Variants in RBPMS observed in about 807,000 individuals in gnomAD.
RBPMS encodes RNA binding protein, mRNA processing factor.
A neutral mutation model predicts 26.8 loss-of-function variants in RBPMS; 7 were observed. The ratio of observed to expected loss-of-function variants is 0.26; its 90% CI spans 0.15 to 0.49. The LOEUF (loss-of-function observed/expected upper bound fraction) is 0.49. RBPMS is among the 20% of genes least tolerant of loss of function. RBPMS has a pLI of 0.98. For missense variants in RBPMS, 186 were observed against 250.0 expected (o/e 0.74, Z 1.73); for synonymous variants, 96 against 93.3 (o/e 1.03, Z -0.17).
rs117634660 is a variant in RBPMS at position 30,516,237 on chromosome 8, G to A, written c.397+11801G>A. Among the ~76,000 whole-genome samples the A allele has an allele frequency of 4.6e-5, 7 of 152,196 alleles. No individual in the cohort carries two copies. The East Asian group carries it at 9.7e-4, about 21-fold the overall frequency. On this transcript the variant is annotated intron_variant, in intron 5 of 8. Coordinates refer to ENST00000397323, the MANE Select transcript of RBPMS (RefSeq NM_001008710.3). ...ATTACTAAGAATACAAAAATTAGCC[G>A]GCTGTGGTGGAGGGTGGGGCACCTG... is the stretch of plus-strand genomic sequence containing the variant.
chr8:30,549,519 T>C, intron 6 of RBPMS: 1 of 1,614,094 alleles, frequency 6.2e-7, no homozygotes, highest in Non-Finnish European at 8.5e-7. Flanking sequence ...GGTCAGACTG[T>C]GAGGAGAAGC....
intron 3 of RBPMS, 31 bp from the exon 4 acceptor site, chr8:30,479,284 T>C: frequency 2.5e-6 from 4 of 1,571,008 alleles, no homozygotes; most frequent in Non-Finnish European, 3.5e-6. Context: ...ATCTGATTTT[T>C]TTTCTTCATA....
chr8:30,384,820 G>T lies in RBPMS; in HGVS notation c.-273G>T. 3.5e-6 allele frequency: 1 copy of T among 288,910 alleles called. No homozygotes were observed. The highest frequency in any genetic ancestry group is 6.4e-6 in the Non-Finnish European group (1 of 157,478). The allele number at this position is 288,910 out of a possible 1,614,324, so 17.9% of individuals were successfully genotyped here. A position where few individuals can be genotyped will look rare whatever the true frequency, so the allele number is the denominator to read the frequency against. On this transcript the variant is annotated 5_prime_UTR_variant, in exon 1 of 9. Transcript: ENST00000397323. This position sits in a 1 kb window ranked among gnomAD's most constrained non-coding sequence, Gnocchi z 5.6. ...TCTCCAGGTCGCCCTCCCGGGGCCC[G>T]ATTGTCTCGGTGCCCCGCTCCCGGC...
chr8:30,527,700 A>C (rs1823739601), intron 5 of RBPMS, among the ~76,000 whole-genome samples: 6 of 152,070 alleles, frequency 3.9e-5, no homozygotes, highest in Admixed American at 3.9e-4. Context: ...GAAAACTTGG[A>C]GGGGATCCAG....
At chr8:30,544,990 G>A (rs1825753861) in intron 6 of RBPMS, 1 of 1,452,570 alleles carries the variant, frequency 6.9e-7, no homozygotes, top group African/African-American at 1.4e-5. Context: ...AGGAAGGTGT[G>A]TGCTAGGAGA....
intron 1 of RBPMS, among the ~76,000 whole-genome samples, chr8:30,441,655 A>G (rs2150708312): frequency 6.6e-6 from 1 of 152,076 alleles, no homozygotes; most frequent in South Asian, 2.1e-4. Flanking sequence ...TCTGTTACAG[A>G]CGCTGGGTAG....
At chr8:30,517,666 T>A (rs748046618) in intron 5 of RBPMS, among the ~76,000 whole-genome samples, 6 of 152,060 alleles carry the variant, frequency 3.9e-5, no homozygotes, top group Non-Finnish European at 7.4e-5. Context: ...GCTCTTGGAG[T>A]GTTTACACAT....
chr8:30,409,921 G>A (rs527253052), intron 1 of RBPMS, among the ~76,000 whole-genome samples: 19 of 152,132 alleles, frequency 1.2e-4, no homozygotes, highest in East Asian at 3.9e-4. Flanking sequence ...GTGAGCCACC[G>A]CACCCAGCCT....
intron 1 of RBPMS, among the ~76,000 whole-genome samples, chr8:30,439,631 C>G (rs985986536): frequency 6.6e-5 from 10 of 151,858 alleles, no homozygotes; most frequent in Non-Finnish European, 1.5e-4. Context: ...GCTAATTGCC[C>G]GTTTTTTGAC....
At chr8:30,536,378 C>T (rs911880183) in intron 5 of RBPMS, among the ~76,000 whole-genome samples, 5 of 152,182 alleles carry the variant, frequency 3.3e-5, no homozygotes, top group Admixed American at 6.5e-5. Context: ...CCGCCCGCCT[C>T]GGCCTCCCAA....
At chr8:30,482,860 A>G (rs555853006) in intron 4 of RBPMS, among the ~76,000 whole-genome samples, 1 of 152,298 alleles carries the variant, frequency 6.6e-6, no homozygotes, top group South Asian at 2.1e-4. Context: ...GGCACTGAAA[A>G]TCTTAAGTAT....
chr8:30,557,725 A>G (rs1259789934), intron 6 of RBPMS, among the ~76,000 whole-genome samples: 1 of 152,206 alleles, frequency 6.6e-6, no homozygotes, highest in Non-Finnish European at 1.5e-5. Context: ...TGGGCTGCTC[A>G]TGGTGGTCAT....
At chr8:30,549,395 G>A in intron 6 of RBPMS, 1 of 925,838 alleles carries the variant, frequency 1.1e-6, no homozygotes, top group Middle Eastern at 2.1e-4. Flanking sequence ...TTGAAGGACT[G>A]CAGAGCTTGC....
At chr8:30,533,319 T>G (rs926636161) in intron 5 of RBPMS, among the ~76,000 whole-genome samples, 1 of 152,218 alleles carries the variant, frequency 6.6e-6, no homozygotes, top group East Asian at 1.9e-4. Flanking sequence ...AAAGCAACTC[T>G]CAGGCAACAG....
intron 1 of RBPMS, among the ~76,000 whole-genome samples, chr8:30,425,242 T>A (rs890184250): frequency 5.9e-5 from 9 of 152,038 alleles, no homozygotes; most frequent in Non-Finnish European, 1.2e-4. Context: ...ATTATAGGCA[T>A]TTATTCCATT....
chr8:30,546,579 G>A (rs968275475), intron 6 of RBPMS, among the ~76,000 whole-genome samples: 2 of 152,196 alleles, frequency 1.3e-5, no homozygotes, highest in Non-Finnish European at 2.9e-5. Context: ...GCCCATGGTG[G>A]CACCCTCCCC....
chr8:30,461,943 C>T (rs1436089523), intron 1 of RBPMS, among the ~76,000 whole-genome samples: 1 of 152,110 alleles, frequency 6.6e-6, no homozygotes, highest in Non-Finnish European at 1.5e-5. Context: ...GGGATTATGC[C>T]TTATGTAATC....
In RBPMS at chr8:30,428,744, A is replaced by T. The variant is rs1811626917; in HGVS notation, c.66+43586A>T. 2.0e-5 allele frequency among the ~76,000 whole-genome samples: 3 copies of T among 152,000 alleles called. No homozygotes were observed. In the South Asian group the frequency reaches 6.2e-4, roughly 32 times the overall value. ...AACTGGCATCTGTGTGAGGACCTTA[A>T]GCCATTTACAAGTACGTACTGTGGG... is the stretch of plus-strand genomic sequence containing the variant. On this transcript the variant is annotated intron_variant, in intron 1 of 8. Transcript: ENST00000397323.
intron 7 of RBPMS, among the ~76,000 whole-genome samples, chr8:30,563,724 A>T (rs1489193136): frequency 1.3e-5 from 2 of 152,186 alleles, no homozygotes; most frequent in Non-Finnish European, 2.9e-5. Context: ...TCCTCAGTAG[A>T]GTCCCAGGTG....
Sources: allele counts gnomAD v4.1 joint callset (sites outside exome capture counted in the v4.1 genomes callset), GRCh38; gene constraint gnomAD v4.1.1; non-coding constraint Gnocchi (gnomAD v3.1); transcripts MANE v1.5; gene names NCBI Gene and HGNC (gene_info 2026-07-23, HGNC 2026-07-21).